The following COL11A1 variants were observed in gnomAD, a reference collection of about 807,000 sequenced individuals.
COL11A1 encodes collagen alpha-1(XI) chain.
COL11A1 carries 74 observed loss-of-function variants against 265.2 expected under a neutral mutation model. The ratio of observed to expected loss-of-function variants is 0.28; its 90% CI spans 0.23 to 0.34. The LOEUF (loss-of-function observed/expected upper bound fraction) is 0.34. Among genes scored for constraint, COL11A1 ranks in the 10% least tolerant of loss-of-function variants. The probability of loss-of-function intolerance (pLI) is 1.00; values close to 1 mark genes in which losing one functional copy is unlikely to be tolerated. For synonymous variants in COL11A1, 816 were observed against 727.6 expected, an observed-to-expected ratio of 1.12 and a Z score of -1.96; for missense variants, 2,165 against 2,263.6, an observed-to-expected ratio of 0.96 and a Z score of 0.88.
At chr1:103,093,590 C>G (rs190964378) in intron 1 of COL11A1, among the ~76,000 whole-genome samples, 1 of 152,238 alleles carries the variant, frequency 6.6e-6, no homozygotes, top group African/African-American at 2.4e-5. Flanking sequence ...TAACCCCAAG[C>G]CTTGAAGGGA....
At chr1:102,938,108 C>G (rs1296884548) in intron 44 of COL11A1, among the ~76,000 whole-genome samples, 1 of 152,144 alleles carries the variant, frequency 6.6e-6, no homozygotes, top group African/African-American at 2.4e-5. Flanking sequence ...AAAAATTCAT[C>G]TCATAGGACT....
chr1:102,956,977 G>A (rs1660438054), intron 41 of COL11A1, among the ~76,000 whole-genome samples: 1 of 151,424 alleles, frequency 6.6e-6, no homozygotes, highest in East Asian at 1.9e-4. Context: ...TTAAAGCTAT[G>A]GTTAGCAAGA....
rs541989026 is a variant in COL11A1, at chr1:103,017,706, C to T, written c.1413+114G>A. ...GTTGTGCAGCACTGAATTCATGCTG[C>T]CTTTACCCCTCCCACACGCAGTAAG... On this transcript the variant is annotated intron_variant, in intron 11 of 66. Coordinates refer to ENST00000370096, the MANE Select transcript of COL11A1 (RefSeq NM_001854.4). 7.9e-6 allele frequency: 7 copies of T among 889,354 alleles called. No homozygotes were observed. In the East Asian group the frequency reaches 1.2e-4, roughly 16 times the overall value. 55.1% of individuals were successfully genotyped at this position (889,354 alleles called of 1,614,324 possible). A position where few individuals can be genotyped will look rare whatever the true frequency, so the allele number is the denominator to read the frequency against.
At chr1:103,041,670 T>TAA (rs929692383) in intron 4 of COL11A1, among the ~76,000 whole-genome samples, 34 of 152,030 alleles carry the variant, frequency 2.2e-4, no homozygotes, top group Non-Finnish European at 4.0e-4. Context: ...TGCATATATA[T>TAA]AATATAATCA....
At chr1:102,937,070 C>A (rs79112611) in intron 44 of COL11A1, among the ~76,000 whole-genome samples, 12,343 of 151,964 alleles carry the variant, frequency 0.081, 702 homozygotes, top group East Asian at 0.21. Context: ...TTTTTATTTG[C>A]AAAAATATAG....
Position 103,018,818 on chromosome 1 carries a change from T to C in COL11A1, c.1350A>G (p.Ala450=). Residue 450 remains alanine (A), a splice_region_variant and synonymous_variant, in exon 10 of 67, where the codon GCA becomes GCG. Coordinates refer to ENST00000370096, the MANE Select transcript of COL11A1 (RefSeq NM_001854.4). ...AAATAATCTTAAAACATTTACATACTGCAGGTCCTGCTGGTCCTGGTGGTC... is the reference window on the plus strand; with the variant it reads ...AAATAATCTTAAAACATTTACATACCGCAGGTCCTGCTGGTCCTGGTGGTC... The part of the protein sequence containing the change: ...VEGPPGPAGP[A]GIMGPPGLQG... 1 of 1,610,690 alleles carries C rather than the reference T, an allele frequency of 6.2e-7. No homozygotes were observed. Among genetic ancestry groups the C allele is most frequent in the Non-Finnish European group, 8.5e-7 (1 of 1,177,252 alleles).
Position 102,877,262 on chromosome 1 carries a change from G to C in COL11A1, c.*757C>G, listed in dbSNP as rs1416103511. ...AAATCCTGGATTCTGAGAAGAAAAA[G>C]TTTGAGGTATAGCCTTGAATAAAGC... On this transcript the variant is annotated 3_prime_UTR_variant, in exon 67 of 67. Transcript: ENST00000370096. 6.6e-6 allele frequency: 1 copy of C among 152,492 alleles called. No individual in the cohort carries two copies. Among genetic ancestry groups the C allele is most frequent in the Non-Finnish European group, 1.5e-5 (1 of 67,994 alleles). 9.4% of individuals were successfully genotyped at this position (152,492 alleles called of 1,614,324 possible). A position where few individuals can be genotyped will look rare whatever the true frequency, so the allele number is the denominator to read the frequency against.
chr1:102,935,166 G>A, intron 44 of COL11A1, 53 bp from the exon 45 acceptor site: 1 of 1,470,728 alleles, frequency 6.8e-7, no homozygotes, highest in Non-Finnish European at 9.5e-7. Context: ...AAGAGCCTCA[G>A]CCATATGAAA....
intron 1 of COL11A1, among the ~76,000 whole-genome samples, chr1:103,094,137 A>T (rs553384919): frequency 1.3e-5 from 2 of 152,242 alleles, no homozygotes; most frequent in South Asian, 4.1e-4. Flanking sequence ...TGGAAAAAAA[A>T]TGTGGAGGTG....
At chr1:102,978,617 G>A (rs1259415060) in intron 35 of COL11A1, 91 bp downstream of exon 35, 12 of 1,343,346 alleles carry the variant, frequency 8.9e-6, no homozygotes, top group African/African-American at 2.9e-5. Flanking sequence ...ACATGCACAT[G>A]TATTAGCAGA....
intron 9 of COL11A1, among the ~76,000 whole-genome samples, chr1:103,020,912 T>G (rs1448400444): frequency 7.2e-6 from 1 of 139,690 alleles, no homozygotes; most frequent in Non-Finnish European, 1.6e-5. Context: ...ATATGCAGCG[T>G]TATTTCTGAG....
At position 102,961,937 on chromosome 1, in the gene COL11A1, A is replaced by T; in HGVS notation, c.3115-18T>A. 1 of 1,609,234 alleles carries T rather than the reference A, an allele frequency of 6.2e-7. No individual in the cohort carries two copies. On this transcript the variant is annotated intron_variant, in intron 40 of 66. Transcript: ENST00000370096. ...GGTGCACCCTGGGAAAAGTGAAAAAAATAAAGAAAATGAATCCATATGAAT... is the reference window on the plus strand; with the variant it reads ...GGTGCACCCTGGGAAAAGTGAAAAATATAAAGAAAATGAATCCATATGAAT...
At position 103,005,900 on chromosome 1, in the gene COL11A1, C is replaced by CCATCAT. The variant is rs71752747; in HGVS notation, c.1792-15_1792-10dup. On this transcript the variant is annotated splice_polypyrimidine_tract_variant and intron_variant, in intron 17 of 66. Transcript: ENST00000370096. Reference sequence around the variant, plus strand: ...TCAAACCCTCGATCTCCCTGTAAAACCATCATCATCATCATCATCATCATC... The same window carrying CCATCAT: ...TCAAACCCTCGATCTCCCTGTAAAACCATCATCATCATCATCATCATCATCATCATC... 213 of 1,518,690 alleles carry CCATCAT rather than the reference C, an allele frequency of 1.4e-4. 1 individual carries two copies. In the African/African-American group the frequency reaches 2.6e-3, roughly 19 times the overall value. The allele number at this position is 1,518,690 out of a possible 1,614,324, so 94.1% of individuals were successfully genotyped here. A position where few individuals can be genotyped will look rare whatever the true frequency, so the allele number is the denominator to read the frequency against.
chr1:103,075,235 T>C (rs1671885417), intron 3 of COL11A1, among the ~76,000 whole-genome samples: 1 of 152,180 alleles, frequency 6.6e-6, no homozygotes, highest in African/African-American at 2.4e-5. Context: ...AGGGTATGTC[T>C]ACTAATTGAA....
At position 103,097,616 on chromosome 1, in the gene COL11A1, C is replaced by T. The variant is rs148260660; in HGVS notation, c.106+10457G>A. 9.3e-4 allele frequency among the ~76,000 whole-genome samples: 142 copies of T among 152,038 alleles called. 1 individual carries two copies. Among genetic ancestry groups the T allele is most frequent in the African/African-American group, 3.0e-3 (124 of 41,490 alleles). On this transcript the variant is annotated intron_variant, in intron 1 of 66. Transcript: ENST00000370096. ...CTCCTCAAGTAGACCATAATCACTA[C>T]GAGGCAGGATTATAACTATCTTTGC...
chr1:102,946,610 C>T (rs1048277138), intron 42 of COL11A1, among the ~76,000 whole-genome samples: 4 of 151,790 alleles, frequency 2.6e-5, no homozygotes, highest in Non-Finnish European at 5.9e-5. Flanking sequence ...AAGCCTTTTA[C>T]ATTAATAATA....
rs543537481 is a variant in COL11A1 at position 102,956,426 on chromosome 1, T to C, written c.3168+5440A>G. ...CAGTTTAATAGATTGTCTGATATTT[T>C]CTGGTATTTATTTCTTTATGGTACT... is the stretch of plus-strand genomic sequence containing the variant. On this transcript the variant is annotated intron_variant, in intron 41 of 66. Transcript: ENST00000370096. Among the ~76,000 whole-genome samples, 10 of 152,314 alleles carry C rather than the reference T, an allele frequency of 6.6e-5. No individual in the cohort carries two copies. The South Asian group carries it at 1.9e-3, about 28-fold the overall frequency.
chr1:102,914,429 AAG>A, intron 51 of COL11A1, 24 bp from the exon 52 acceptor site: 2 of 1,588,322 alleles, frequency 1.3e-6, no homozygotes, highest in Non-Finnish European at 1.7e-6. Context: ...TTGAAAGAAA[AAG>A]AAATAAATGA....
rs201427095 is a variant in COL11A1 at position 102,883,726 on chromosome 1, T to C, written c.4859-415A>G. ...TCTGAGTAGTGTAATCAATATATTT[T>C]CTTCCTAGTTTATTCATTTGTAACA... On this transcript the variant is annotated intron_variant, in intron 63 of 66. Transcript: ENST00000370096. Among the ~76,000 whole-genome samples the C allele has an allele frequency of 4.6e-5, 7 of 152,294 alleles. No individual in the cohort carries two copies. In the South Asian group the frequency reaches 1.5e-3, roughly 32 times the overall value.
Sources: gnomAD v4.1 joint callset for allele counts (sites outside exome capture counted in the v4.1 genomes callset) on GRCh38, gnomAD v4.1.1 for gene constraint, MANE v1.5 for transcripts, NCBI Gene and HGNC (gene_info 2026-07-23, HGNC 2026-07-21) for gene names.